The following PRUNE2 variants were observed in gnomAD, a reference collection of about 807,000 sequenced individuals.
PRUNE2 encodes the protein prune homolog 2 with BCH domain, also known as protein prune homolog 2.
A neutral mutation model predicts 252.0 loss-of-function variants in PRUNE2; 164 were observed. That is an observed-to-expected ratio of 0.65 (90% CI 0.57 to 0.74). PRUNE2 has a LOEUF of 0.74. Ranked by LOEUF, PRUNE2 falls within the 30% of genes least tolerant of loss-of-function variation. PRUNE2 has a pLI of 0.00. For synonymous variants in PRUNE2, 1,292 were observed against 1,350.2 expected (o/e 0.96, Z 0.94); for missense variants, 3,495 against 3,711.0 (o/e 0.94, Z 1.51).
At chr9:76,671,127 C>A (rs1214985244) in intron 9 of PRUNE2, among the ~76,000 whole-genome samples, 1 of 151,496 alleles carries the variant, frequency 6.6e-6, no homozygotes, top group Non-Finnish European at 1.5e-5. Context: ...GACATCCAAA[C>A]CAAAGGCAAA....
chr9:76,702,026 A>G (rs1397568446), intron 9 of PRUNE2, among the ~76,000 whole-genome samples: 1 of 149,332 alleles, frequency 6.7e-6, no homozygotes, highest in South Asian at 2.1e-4. Context: ...AGTCCTTTAC[A>G]CTCCCAAGCT....
chr9:76,846,534 T>C lies in PRUNE2; in HGVS notation c.489A>G (p.Gln163=), dbSNP rs1275855935. ...LQEAPELITE[Q]LAHRLRGSIL... ...TCTCACCTCTGAGGCGATGAGCCAG[T>C]TGCTCGGTGATGAGCTCAGGAGCCT... Residue 163 remains glutamine, a synonymous_variant, in exon 4 of 19, where the codon CAA becomes CAG. Transcript: ENST00000376718. 6.2e-7 allele frequency: 1 copy of C among 1,613,794 alleles called. No homozygotes were observed. The highest frequency in any genetic ancestry group is 8.5e-7 in the Non-Finnish European group (1 of 1,179,792).
At chr9:76,645,100 T>C in intron 11 of PRUNE2, 191 bp from the exon 12 acceptor site, 3 of 531,898 alleles carry the variant, frequency 5.6e-6, no homozygotes, top group Non-Finnish European at 1.0e-5. Context: ...ATCCTGACCA[T>C]ATAAAGTACA....
At chr9:76,644,628 G>T in intron 12 of PRUNE2, 111 bp downstream of exon 12, 1 of 972,640 alleles carries the variant, frequency 1.0e-6, no homozygotes, top group Non-Finnish European at 1.6e-6. Context: ...ATTGGCTCTA[G>T]AATAGGGTCT....
intron 6 of PRUNE2, among the ~76,000 whole-genome samples, chr9:76,774,450 C>CTTTTTT (rs869289049): frequency 1.4e-4 from 6 of 41,396 alleles, no homozygotes; most frequent in Non-Finnish European, 2.3e-4. Flanking sequence ...CAGTTCAACC[C>CTTTTTT]TTTTTTTTTT....
intron 5 of PRUNE2, among the ~76,000 whole-genome samples, chr9:76,824,573 T>C (rs920657150): frequency 2.4e-4 from 36 of 152,228 alleles, no homozygotes; most frequent in African/African-American, 8.7e-4. Context: ...TTGTAGTCAG[T>C]TGACCAATGG....
At chr9:76,655,317 C>T in intron 10 of PRUNE2, 106 bp downstream of exon 10, 1 of 846,942 alleles carries the variant, frequency 1.2e-6, no homozygotes, top group East Asian at 2.7e-5. Context: ...TCACTGTTAT[C>T]ACTGAAATCA....
intron 1 of PRUNE2, chr9:76,856,570 C>G (rs1414936751): frequency 6.6e-6 from 1 of 152,462 alleles, no homozygotes; most frequent in African/African-American, 2.4e-5. Context: ...ACTCTCACAA[C>G]TCAGGAACCC....
intron 6 of PRUNE2, among the ~76,000 whole-genome samples, chr9:76,768,579 ATGTATG>A (rs1294850865): frequency 1.3e-3 from 129 of 100,612 alleles, no homozygotes; most frequent in African/African-American, 3.6e-3. Flanking sequence ...ATATATGTAT[ATGTATG>A]TGTGTGTGTG....
At chr9:76,770,416 T>C (rs1157899936) in intron 6 of PRUNE2, among the ~76,000 whole-genome samples, 7 of 152,174 alleles carry the variant, frequency 4.6e-5, no homozygotes, top group Non-Finnish European at 1.0e-4. Context: ...ATCCAATCTA[T>C]TGCCTTATTT....
chr9:76,687,889 G>T (rs149775590), intron 9 of PRUNE2, among the ~76,000 whole-genome samples: 1 of 152,214 alleles, frequency 6.6e-6, no homozygotes, highest in Admixed American at 6.5e-5. Flanking sequence ...CTCCAGATGC[G>T]GGGGTAGAGT....
At position 76,746,577 on chromosome 9, in the gene PRUNE2, C is replaced by T. The variant is rs923711690; in HGVS notation, c.757-32856G>A. Among the ~76,000 whole-genome samples the T allele has an allele frequency of 7.9e-4, 119 of 151,506 alleles. 2 individuals are homozygous for T. The highest frequency in any genetic ancestry group is 7.4e-5 in the Non-Finnish European group (5 of 67,812). ...AAAATTAGCCGGGCGCGGTGGCGGG[C>T]GCCTGTAGTCCCAGCTACTGGGGAG... On this transcript the variant is annotated intron_variant, in intron 6 of 18. Transcript: ENST00000376718.
intron 6 of PRUNE2, among the ~76,000 whole-genome samples, chr9:76,751,793 T>A (rs7868392): frequency 0.44 from 66,266 of 152,096 alleles, 14,717 homozygotes; most frequent in Admixed American, 0.56. Context: ...AGGATAGGGC[T>A]ATTTAGATTA....
At chr9:76,755,766 A>T (rs370548391) in intron 6 of PRUNE2, among the ~76,000 whole-genome samples, 48 of 152,208 alleles carry the variant, frequency 3.2e-4, no homozygotes, top group Admixed American at 1.1e-3. Flanking sequence ...GCAGTGACGC[A>T]ATCTCGGCTC....
At position 76,707,456 on chromosome 9, in the gene PRUNE2, T is replaced by C; in HGVS notation, c.4818A>G (p.Arg1606=). 6.2e-7 allele frequency: 1 copy of C among 1,613,812 alleles called. No individual in the cohort carries two copies. Among genetic ancestry groups the C allele is most frequent in the East Asian group, 2.2e-5 (1 of 44,896 alleles). Residue 1606 remains arginine (R), a synonymous_variant, in exon 8 of 19, where the codon AGA becomes AGG. Coordinates refer to ENST00000376718, the MANE Select transcript of PRUNE2 (RefSeq NM_015225.3). ...CAAAGCTCTTTTCAAACTCATTTAT[T>C]CTGTTTTTCTCTAAATCCTTCACTT... ...VTKVKDLEKN[R]INEFEKSFDR...
At chr9:76,826,454 T>C (rs986475135) in intron 5 of PRUNE2, 126 bp downstream of exon 5, 109 of 679,362 alleles carry the variant, frequency 1.6e-4, no homozygotes, top group Middle Eastern at 9.1e-4. Flanking sequence ...GCCTGGGGGA[T>C]AGAGTGAGAC....
chr9:76,681,297 A>G (rs1656890994), intron 9 of PRUNE2, among the ~76,000 whole-genome samples: 1 of 152,100 alleles, frequency 6.6e-6, no homozygotes, highest in African/African-American at 2.4e-5. Flanking sequence ...AGATGGGGAA[A>G]TGTTGTTTAA....
chr9:76,854,725 T>C (rs2060146291), intron 1 of PRUNE2, among the ~76,000 whole-genome samples: 1 of 152,160 alleles, frequency 6.6e-6, no homozygotes, highest in African/African-American at 2.4e-5. Context: ...ATGAAACTTG[T>C]AACACTTTTG....
At chr9:76,697,659 T>A (rs2045514554) in intron 9 of PRUNE2, among the ~76,000 whole-genome samples, 1 of 152,228 alleles carries the variant, frequency 6.6e-6, no homozygotes, top group Non-Finnish European at 1.5e-5. Flanking sequence ...CATCAACCTA[T>A]AGAAGCAGCT....
Sources: allele counts gnomAD v4.1 joint callset (sites outside exome capture counted in the v4.1 genomes callset), GRCh38; gene constraint gnomAD v4.1.1; transcripts MANE v1.5; gene names NCBI Gene and HGNC (gene_info 2026-07-23, HGNC 2026-07-21).